RAPGEF6: variants seen among roughly 807,000 people sequenced by gnomAD.
RAPGEF6 encodes PDZ domain containing guanine nucleotide exchange factor (GEF) 2.
A neutral mutation model predicts 171.4 loss-of-function variants in RAPGEF6; 56 were observed. The ratio of observed to expected loss-of-function variants is 0.33; its 90% CI spans 0.26 to 0.41. RAPGEF6 has a LOEUF of 0.41. RAPGEF6 is among the 10% of genes least tolerant of loss of function. The pLI is 1.00. For missense variants in RAPGEF6, 1,674 were observed against 1,921.4 expected (o/e 0.87, Z 2.41); for synonymous variants, 692 against 650.1 (o/e 1.06, Z -0.98).
intron 1 of RAPGEF6, among the ~76,000 whole-genome samples, chr5:131,606,593 A>T (rs1297651225): frequency 6.6e-6 from 1 of 152,246 alleles, no homozygotes; most frequent in African/African-American, 2.4e-5. Context: ...GTATTTCCAA[A>T]GATGGCCACA....
intron 17 of RAPGEF6, among the ~76,000 whole-genome samples, chr5:131,470,294 T>G (rs146521944): frequency 2.0e-4 from 30 of 152,366 alleles, no homozygotes; most frequent in Admixed American, 3.3e-4. Flanking sequence ...CCTTTAAACA[T>G]GTTCTCAAGG....
chr5:131,581,132 T>C lies in RAPGEF6; in HGVS notation c.281+11251A>G, dbSNP rs145129643. Among the ~76,000 whole-genome samples the C allele has an allele frequency of 5.2e-3, 797 of 152,322 alleles. 6 individuals carry two copies. The highest frequency in any genetic ancestry group is 0.018 in the African/African-American group (758 of 41,562). ...ACTTTATCTGTCCTCCAAGCTCAGG[T>C]TGACTCTTTAGCCGCAGCTGTCCTC... On this transcript the variant is annotated intron_variant, in intron 4 of 27. Transcript: ENST00000509018.
chr5:131,567,916 G>A (rs893261743), intron 4 of RAPGEF6, among the ~76,000 whole-genome samples: 2 of 152,170 alleles, frequency 1.3e-5, no homozygotes, highest in African/African-American at 4.8e-5. Flanking sequence ...TATTCCTAAT[G>A]TATTAATCCT....
chr5:131,592,323 C>T (rs1286414144), intron 4 of RAPGEF6, 60 bp downstream of exon 4: 2 of 1,571,894 alleles, frequency 1.3e-6, no homozygotes. Context: ...AGAAAATATA[C>T]ATCCTATACA....
At chr5:131,486,471 G>A (rs1490121007) in intron 15 of RAPGEF6, among the ~76,000 whole-genome samples, 1 of 152,078 alleles carries the variant, frequency 6.6e-6, no homozygotes, top group Non-Finnish European at 1.5e-5. Flanking sequence ...TTTGAAATAC[G>A]AGAGTCACAT....
At chr5:131,528,336 TATAC>T (rs1376239244) in intron 6 of RAPGEF6, among the ~76,000 whole-genome samples, 2 of 24,494 alleles carry the variant, frequency 8.2e-5, no homozygotes, top group Non-Finnish European at 3.6e-4. Flanking sequence ...TATATATATA[TATAC>T]ACACACACAC....
chr5:131,599,207 G>A (rs1316931511), intron 3 of RAPGEF6, among the ~76,000 whole-genome samples: 1 of 152,008 alleles, frequency 6.6e-6, no homozygotes, highest in Non-Finnish European at 1.5e-5. Flanking sequence ...CACGCCTGTG[G>A]TCCCAGCTAC....
intron 24 of RAPGEF6, among the ~76,000 whole-genome samples, chr5:131,437,560 G>T (rs1001532876): frequency 6.6e-6 from 1 of 152,220 alleles, no homozygotes; most frequent in Admixed American, 6.5e-5. Flanking sequence ...ATCTGGTAAG[G>T]GGCGCATTGG....
chr5:131,506,728 G>A (rs1430032916), intron 9 of RAPGEF6, among the ~76,000 whole-genome samples: 1 of 151,996 alleles, frequency 6.6e-6, no homozygotes, highest in Non-Finnish European at 1.5e-5. Context: ...AACAGTACCT[G>A]GCACAAAGTA....
chr5:131,505,338 A>C (rs751869182), intron 10 of RAPGEF6, 26 bp downstream of exon 10: 3 of 1,610,734 alleles, frequency 1.9e-6, no homozygotes, highest in Middle Eastern at 1.6e-4. Context: ...ACAGACAAGA[A>C]GACTTGACCA....
intron 4 of RAPGEF6, among the ~76,000 whole-genome samples, chr5:131,579,051 G>A (rs749373420): frequency 1.3e-5 from 2 of 152,176 alleles, no homozygotes; most frequent in Non-Finnish European, 2.9e-5. Context: ...ATGTTCGGAC[G>A]TGTTTGGAGT....
intron 7 of RAPGEF6, among the ~76,000 whole-genome samples, chr5:131,515,146 G>C (rs1757991304): frequency 6.6e-6 from 1 of 152,148 alleles, no homozygotes. Flanking sequence ...GGAACTAAGA[G>C]TTATACAAAC....
At chr5:131,532,126 T>C (rs767994236) in intron 6 of RAPGEF6, 61 of 452,876 alleles carry the variant, frequency 1.3e-4, no homozygotes, top group South Asian at 4.7e-4. Context: ...CTGAAGACAA[T>C]TGGCATAACA....
At position 131,508,104 on chromosome 5, in the gene RAPGEF6, C is replaced by G; in HGVS notation, c.909G>C (p.Gln303His). 5.0e-6 allele frequency: 8 copies of G among 1,612,378 alleles called. No individual in the cohort carries two copies. Among genetic ancestry groups the G allele is most frequent in the Non-Finnish European group, 6.8e-6 (8 of 1,179,200 alleles). ...CATCTTCAAGAATAATAGCTCCAGC[C>G]TGCTCTACCACTTCAAAAATCATCA... ...CSVMIFEVVEQAGAIILEDGQ... is the reference protein window; with the variant it reads ...CSVMIFEVVEHAGAIILEDGQ... Residue 303 changes from glutamine to histidine, a missense_variant, in exon 9 of 28, where the codon CAG becomes CAC. By Grantham distance (24) the Gln-to-His change is conservative (BLOSUM62 0). This residue lies in a region of RAPGEF6 where 1,116 missense variants were observed against 1,321.5 expected (regional missense o/e 0.84). Transcript: ENST00000509018.
chr5:131,603,343 AT>A lies in RAPGEF6; in HGVS notation c.141-17del, dbSNP rs769615660. 2.2e-5 allele frequency: 33 copies of A among 1,482,626 alleles called. No individual in the cohort carries two copies. The highest frequency in any genetic ancestry group is 4.1e-5 in the South Asian group (3 of 73,880). 91.8% of individuals were successfully genotyped at this position (1,482,626 alleles called of 1,614,324 possible). A position where few individuals can be genotyped will look rare whatever the true frequency, so the allele number is the denominator to read the frequency against. ...AGACATTAATCTATTAAAAAAAAAA[AT>A]TGAAGATTTTATCTTACATTTTGTT... On this transcript the variant is annotated splice_polypyrimidine_tract_variant and intron_variant, in intron 2 of 27. Transcript: ENST00000509018.
At chr5:131,540,661 GT>G (rs1196909493) in intron 6 of RAPGEF6, among the ~76,000 whole-genome samples, 1 of 152,176 alleles carries the variant, frequency 6.6e-6, no homozygotes, top group Non-Finnish European at 1.5e-5. Flanking sequence ...CACCAACAAA[GT>G]TTTTTAAACC....
chr5:131,604,072 C>T (rs1301274498), intron 2 of RAPGEF6, among the ~76,000 whole-genome samples: 1 of 151,978 alleles, frequency 6.6e-6, no homozygotes, highest in African/African-American at 2.4e-5. Flanking sequence ...AAACAAGGTT[C>T]AGAAAGTTTA....
At chr5:131,478,994 A>G (rs948664521) in intron 16 of RAPGEF6, among the ~76,000 whole-genome samples, 6 of 152,186 alleles carry the variant, frequency 3.9e-5, no homozygotes, top group African/African-American at 1.4e-4. Flanking sequence ...GCCAATCATG[A>G]CACTTTAGTG....
intron 9 of RAPGEF6, among the ~76,000 whole-genome samples, chr5:131,505,858 C>A (rs1380172545): frequency 6.6e-6 from 1 of 152,088 alleles, no homozygotes; most frequent in Admixed American, 6.5e-5. Context: ...ATTATTTAAC[C>A]TCTCTGGGCC....
Sources: allele counts gnomAD v4.1 joint callset (sites outside exome capture counted in the v4.1 genomes callset), GRCh38; gene constraint gnomAD v4.1.1; regional missense constraint gnomAD v4.1.1; transcripts MANE v1.5; gene names NCBI Gene and HGNC (gene_info 2026-07-23, HGNC 2026-07-21).